Variants in XRCC1 observed in about 807,000 individuals in gnomAD.
XRCC1 encodes DNA repair protein XRCC1.
Under a neutral mutation model 83.3 loss-of-function variants are expected in XRCC1, and 52 were observed. That is an observed-to-expected ratio of 0.62 (90% CI 0.50 to 0.79). XRCC1 has a LOEUF of 0.79. Ranked by LOEUF, XRCC1 falls within the 30% of genes least tolerant of loss-of-function variation. The probability of loss-of-function intolerance (pLI) is 0.00; values close to 1 mark genes in which losing one functional copy is unlikely to be tolerated. For missense variants in XRCC1, 793 were observed against 823.5 expected, an observed-to-expected ratio of 0.96 and a Z score of 0.45; for synonymous variants, 281 against 312.6, an observed-to-expected ratio of 0.90 and a Z score of 1.07.
intron 10 of XRCC1, 104 bp downstream of exon 10, chr19:43,551,467 G>T: frequency 9.9e-7 from 1 of 1,015,210 alleles, no homozygotes; most frequent in Non-Finnish European, 1.5e-6. Context: ...TCTGGGCTGG[G>T]ACCACCTGTG....
chr19:43,567,160 G>A (rs569981989), intron 2 of XRCC1, among the ~76,000 whole-genome samples: 1 of 152,180 alleles, frequency 6.6e-6, no homozygotes, highest in East Asian at 1.9e-4. Flanking sequence ...GGCAACATTG[G>A]GGAGAGAATA....
intron 8 of XRCC1, 131 bp from the exon 9 acceptor site, chr19:43,552,406 C>G (rs1972588463): frequency 1.4e-6 from 1 of 698,944 alleles, no homozygotes; most frequent in Non-Finnish European, 2.3e-6. Context: ...CCCAGCCCCT[C>G]CCCCCTCAGA....
At chr19:43,546,297 C>T (rs1168547968) in intron 12 of XRCC1, among the ~76,000 whole-genome samples, 191 bp from the exon 13 acceptor site, 1 of 142,240 alleles carries the variant, frequency 7.0e-6, no homozygotes, top group Admixed American at 7.0e-5. Context: ...CTCCCTCAGA[C>T]CCAGGAGTCC....
At chr19:43,554,949 C>T (rs1051343716) in intron 3 of XRCC1, 145 bp from the exon 4 acceptor site, 3 of 867,966 alleles carry the variant, frequency 3.5e-6, no homozygotes, top group African/African-American at 3.4e-5. Context: ...TCTCCAGACC[C>T]TTTGTTTCTA....
rs3213367 is a variant in XRCC1, at chr19:43,551,873, G to C, written c.1082+144C>G. On this transcript the variant is annotated intron_variant, in intron 9 of 16. Coordinates refer to ENST00000262887, the MANE Select transcript of XRCC1 (RefSeq NM_006297.3). ...TGCAAAAATCAGAGAGAAGACAAAG[G>C]CTACAGAATGCAGTGAGAAAGAAAG... The C allele has an allele frequency of 2.1e-3, 2,324 of 1,097,238 alleles. 32 individuals are homozygous for C. In the African/African-American group the frequency reaches 0.029, roughly 14 times the overall value. 68.0% of individuals were successfully genotyped at this position (1,097,238 alleles called of 1,614,324 possible).
At chr19:43,560,262 G>A (rs553661983) in intron 3 of XRCC1, among the ~76,000 whole-genome samples, 16 of 152,074 alleles carry the variant, frequency 1.1e-4, no homozygotes, top group East Asian at 5.8e-4. Context: ...CGGGCGTGGT[G>A]GTGGGCACCT....
chr19:43,560,349 T>C (rs1359414087), intron 3 of XRCC1, among the ~76,000 whole-genome samples: 1 of 146,314 alleles, frequency 6.8e-6, no homozygotes, highest in African/African-American at 2.6e-5. Context: ...GGAGCTGAGA[T>C]CGCGCCAGTG....
intron 2 of XRCC1, among the ~76,000 whole-genome samples, chr19:43,572,361 C>T (rs887224259): frequency 2.0e-5 from 3 of 152,196 alleles, no homozygotes; most frequent in Admixed American, 1.3e-4. Flanking sequence ...CAACTCCGGG[C>T]TTGGATGTCA....
At chr19:43,546,496 C>A in intron 12 of XRCC1, 99 bp downstream of exon 12, 2 of 1,402,268 alleles carry the variant, frequency 1.4e-6, no homozygotes, top group Non-Finnish European at 1.9e-6. Flanking sequence ...AGTCCAGGCC[C>A]CAGCCCCTCC....
intron 10 of XRCC1, among the ~76,000 whole-genome samples, chr19:43,550,111 G>A (rs1392190200): frequency 1.3e-5 from 2 of 152,096 alleles, no homozygotes; most frequent in Non-Finnish European, 1.5e-5. Context: ...CTGCTCACAA[G>A]AGGAGGCCTC....
chr19:43,557,307 CAAAAAAAA>C (rs33984597), intron 3 of XRCC1, among the ~76,000 whole-genome samples: 3 of 77,866 alleles, frequency 3.9e-5, no homozygotes, highest in African/African-American at 5.2e-5. Flanking sequence ...GACTCCGTCT[CAAAAAAAA>C]AAAAAAAAAA....
At chr19:43,546,334 A>C (rs1454545341) in intron 12 of XRCC1, among the ~76,000 whole-genome samples, 50 of 91,850 alleles carry the variant, frequency 5.4e-4, no homozygotes, top group African/African-American at 1.9e-3. Context: ...TCCCTCAGAC[A>C]CAGGAGTCCA....
chr19:43,551,194 C>T (rs1005927453), intron 10 of XRCC1, among the ~76,000 whole-genome samples: 1 of 152,212 alleles, frequency 6.6e-6, no homozygotes, highest in Non-Finnish European at 1.5e-5. Context: ...TCTCGAACTT[C>T]TGACCTCAAG....
intron 2 of XRCC1, among the ~76,000 whole-genome samples, chr19:43,569,875 G>C (rs1180011675): frequency 6.6e-6 from 1 of 152,130 alleles, no homozygotes; most frequent in African/African-American, 2.4e-5. Context: ...GATAAGAAAA[G>C]TTTATACCAC....
intron 2 of XRCC1, among the ~76,000 whole-genome samples, chr19:43,563,442 G>A (rs373865194): frequency 2.0e-5 from 3 of 152,176 alleles, no homozygotes; most frequent in Non-Finnish European, 2.9e-5. Flanking sequence ...GCAGTGAGCC[G>A]AGATTGTGCC....
intron 2 of XRCC1, among the ~76,000 whole-genome samples, chr19:43,570,498 A>T (rs1274616043): frequency 6.6e-6 from 1 of 152,206 alleles, no homozygotes; most frequent in Non-Finnish European, 1.5e-5. Flanking sequence ...GAACCCACAG[A>T]TGTGGCCAGG....
chr19:43,554,232 A>G (rs3213355), intron 4 of XRCC1, among the ~76,000 whole-genome samples: 1,826 of 152,238 alleles, frequency 0.012, 49 homozygotes, highest in African/African-American at 0.041. Flanking sequence ...ACCTACAGCA[A>G]CCCTGTAAGG....
At chr19:43,553,818 G>T in intron 4 of XRCC1, 135 bp from the exon 5 acceptor site, 1 of 679,894 alleles carries the variant, frequency 1.5e-6, no homozygotes, top group Non-Finnish European at 2.5e-6. Context: ...AGGGGCCCTG[G>T]CGATGGTGAT....
chr19:43,554,631 T>C lies in XRCC1; in HGVS notation c.414+15A>G. 1 of 1,602,538 alleles carries C rather than the reference T, an allele frequency of 6.2e-7. No homozygotes were observed. Among genetic ancestry groups the C allele is most frequent in the Non-Finnish European group, 8.5e-7 (1 of 1,172,488 alleles). The stretch of plus-strand genomic sequence containing the variant: ...AGGACCAAGGACTCTGCACCCTGGC[T>C]CCCACCCTAGGTACCTTGCTGTAGG... On this transcript the variant is annotated intron_variant, in intron 4 of 16. Coordinates refer to ENST00000262887, the MANE Select transcript of XRCC1 (RefSeq NM_006297.3).
Sources: gnomAD v4.1 joint callset for allele counts (sites outside exome capture counted in the v4.1 genomes callset) on GRCh38, gnomAD v4.1.1 for gene constraint, MANE v1.5 for transcripts, NCBI Gene and HGNC (gene_info 2026-07-23, HGNC 2026-07-21) for gene names.